RBL2: variants seen among roughly 807,000 people sequenced by gnomAD.
The protein encoded by RBL2 is retinoblastoma-like protein 2.
A neutral mutation model predicts 126.0 loss-of-function variants in RBL2; 56 were observed. That is an observed-to-expected ratio of 0.44 (90% CI 0.36 to 0.56). The LOEUF (loss-of-function observed/expected upper bound fraction) is 0.56. Among genes scored for constraint, RBL2 ranks in the 20% least tolerant of loss-of-function variants. The pLI is 0.00. For synonymous variants in RBL2, 454 were observed against 478.5 expected, an observed-to-expected ratio of 0.95 and a Z score of 0.67; for missense variants, 1,229 against 1,398.2, an observed-to-expected ratio of 0.88 and a Z score of 1.93.
chr16:53,439,202 T>G, intron 2 of RBL2, 56 bp downstream of exon 2: 2 of 1,393,458 alleles, frequency 1.4e-6, no homozygotes, highest in Non-Finnish European at 1.9e-6. Flanking sequence ...TCATAAATCA[T>G]AGTGATAGTA....
chr16:53,465,001 G>A lies in RBL2; in HGVS notation c.1699-437G>A, dbSNP rs2058259228. The A allele has an allele frequency of 2.6e-5, 4 of 152,840 alleles. No homozygotes were observed. The Admixed American group carries it at 2.6e-4, about 10-fold the overall frequency. 9.5% of individuals were successfully genotyped at this position (152,840 alleles called of 1,614,324 possible). On this transcript the variant is annotated intron_variant, in intron 12 of 21. Transcript: ENST00000262133. Reference sequence around the variant, plus strand: ...GTAGAGACGGGGTTTCACCGTGTTAGCCAGGATGGTCTCGATCTCCTGACC... The same window carrying A: ...GTAGAGACGGGGTTTCACCGTGTTAACCAGGATGGTCTCGATCTCCTGACC...
intron 14 of RBL2, 33 bp downstream of exon 14, chr16:53,467,202 G>T (rs1183077399): frequency 2.0e-6 from 3 of 1,531,810 alleles, no homozygotes; most frequent in African/African-American, 2.7e-5. Context: ...ATATTTTGGG[G>T]CTTACTATCT....
rs1555566426 is a variant in RBL2 at position 53,457,258 on chromosome 16, C to CCTTTTTTT, written c.1180-2193_1180-2192insCTTTTTTT. Among the ~76,000 whole-genome samples, 483 of 89,842 alleles carry CCTTTTTTT rather than the reference C, an allele frequency of 5.4e-3. 48 individuals are homozygous for CCTTTTTTT. The highest frequency in any genetic ancestry group is 0.013 in the African/African-American group (223 of 16,682). The allele number at this position is 89,842 out of a possible 152,430, so 58.9% of individuals were successfully genotyped here. On this transcript the variant is annotated intron_variant, in intron 8 of 21. Transcript: ENST00000262133. ...GGGTCATCAGGGTGGGTACAGATAGCTTTTTTTTTTTTTTTTTTTGAGATG... is the reference window on the plus strand; with the variant it reads ...GGGTCATCAGGGTGGGTACAGATAGCCTTTTTTTTTTTTTTTTTTTTTTTTTTGAGATG...
At chr16:53,435,731 A>C (rs2057952566) in intron 1 of RBL2, 2 of 1,288,426 alleles carry the variant, frequency 1.6e-6, no homozygotes, top group African/African-American at 1.5e-5. Flanking sequence ...TCCAGGATGC[A>C]AAGCCTAACC....
intron 7 of RBL2, chr16:53,454,134 A>G (rs1421148328): frequency 2.5e-6 from 1 of 405,288 alleles, no homozygotes; most frequent in Non-Finnish European, 4.8e-6. Context: ...AAACACTGTC[A>G]GCAAAATACT....
At chr16:53,474,062 G>C (rs2150817969) in intron 17 of RBL2, among the ~76,000 whole-genome samples, 1 of 152,188 alleles carries the variant, frequency 6.6e-6, no homozygotes. Flanking sequence ...ACCCAGGCTA[G>C]AGTGCAGTGG....
rs764750589 is a variant in RBL2 at position 53,459,491 on chromosome 16, G to C, written c.1220G>C (p.Arg407Thr). 1 of 1,613,234 alleles carries C rather than the reference G, an allele frequency of 6.2e-7. No individual in the cohort carries two copies. The highest frequency in any genetic ancestry group is 2.2e-5 in the East Asian group (1 of 44,862). Reference protein sequence around the residue: ...LRISTPLTGVRYIKENSPCVT... With the variant: ...LRISTPLTGVTYIKENSPCVT... ...ATCTCCACACCACTAACTGGTGTTA[G>C]GTACATTAAGGAGAATAGCCCTTGT... The change falls in exon 9 of 22, where the codon AGG (arginine) becomes ACG (threonine). Residue 407 changes from arginine (R) to threonine (T), a missense_variant. Arg to Thr is a moderately conservative substitution (Grantham distance 71). This residue lies in a region of RBL2 where 1,070 missense variants were observed against 1,274.3 expected (regional missense o/e 0.84). Transcript: ENST00000262133.
At chr16:53,454,498 C>T (rs2058147594) in intron 7 of RBL2, among the ~76,000 whole-genome samples, 158 bp from the exon 8 acceptor site, 1 of 152,112 alleles carries the variant, frequency 6.6e-6, no homozygotes, top group African/African-American at 2.4e-5. Context: ...CTACTGCACC[C>T]AGCTATACTA....
At chr16:53,458,524 C>T (rs573171994) in intron 8 of RBL2, among the ~76,000 whole-genome samples, 19 of 152,304 alleles carry the variant, frequency 1.2e-4, no homozygotes, top group African/African-American at 4.1e-4. Flanking sequence ...GAAGGCTGTT[C>T]TGCATCAAGT....
chr16:53,467,250 A>T (rs1237318016), intron 14 of RBL2, 81 bp downstream of exon 14: 3 of 1,131,416 alleles, frequency 2.7e-6, no homozygotes, highest in Non-Finnish European at 4.0e-6. Context: ...AAGTGAAGTT[A>T]ATAGGGTATA....
At chr16:53,449,762 C>T (rs2058096621) in intron 4 of RBL2, among the ~76,000 whole-genome samples, 1 of 152,012 alleles carries the variant, frequency 6.6e-6, no homozygotes, top group South Asian at 2.1e-4. Flanking sequence ...TAAGCCAACT[C>T]TGGAGATGAA....
intron 3 of RBL2, among the ~76,000 whole-genome samples, chr16:53,443,685 G>A (rs1004882935): frequency 6.6e-6 from 1 of 152,138 alleles, no homozygotes. Flanking sequence ...TTAGAAAAAT[G>A]TTGACAAGAA....
chr16:53,480,561 C>CT lies in RBL2; in HGVS notation c.2882-5dup, dbSNP rs764145984. On this transcript the variant is annotated splice_polypyrimidine_tract_variant and splice_region_variant and intron_variant, in intron 19 of 21. Coordinates refer to ENST00000262133, the MANE Select transcript of RBL2 (RefSeq NM_005611.4). ...GTACTGACAGCCTTTGTTCTCCTGG[C>CT]TGCAGCCAGTAGAGACTCCAGTCCA... is the stretch of plus-strand genomic sequence containing the variant. 8 of 1,608,676 alleles carry CT rather than the reference C, an allele frequency of 5.0e-6. No individual in the cohort carries two copies. Among genetic ancestry groups the CT allele is most frequent in the Non-Finnish European group, 6.8e-6 (8 of 1,177,588 alleles).
intron 4 of RBL2, among the ~76,000 whole-genome samples, chr16:53,450,153 T>C (rs565094710): frequency 6.6e-5 from 10 of 152,306 alleles, no homozygotes; most frequent in African/African-American, 1.9e-4. Context: ...GCTGTATCAA[T>C]GCACAGTTTA....
chr16:53,482,935 A>T (rs1961014402), intron 21 of RBL2, among the ~76,000 whole-genome samples: 1 of 152,130 alleles, frequency 6.6e-6, no homozygotes, highest in Admixed American at 6.5e-5. Context: ...GGGAGACACG[A>T]CATCCAAATG....
intron 17 of RBL2, 64 bp downstream of exon 17, chr16:53,470,986 C>A: frequency 6.8e-7 from 1 of 1,477,654 alleles, no homozygotes; most frequent in Non-Finnish European, 9.2e-7. Flanking sequence ...ATTTTTTAAC[C>A]ACTGTCTTGA....
Position 53,439,139 on chromosome 16 carries a change from G to T in RBL2, c.364G>T (p.Glu122Ter). ...VSLTRILKCS[E>*]QSLIEFFNKM... ...TTTAACTAGAATCCTGAAATGTTCA[G>T]AGCAGAGGTAACTATGTTAGAGTTT... Residue 122 changes from glutamate to a stop codon, truncating the protein, a stop_gained, in exon 2 of 22, where the codon GAG (glutamate) becomes TAG (stop). Coordinates refer to ENST00000262133, the MANE Select transcript of RBL2 (RefSeq NM_005611.4). LOFTEE classifies it high-confidence loss of function. 1 of 1,593,200 alleles carries T rather than the reference G, an allele frequency of 6.3e-7. No homozygotes were observed. Among genetic ancestry groups the T allele is most frequent in the Non-Finnish European group, 8.5e-7 (1 of 1,171,510 alleles).
chr16:53,434,644 G>C lies in RBL2; in HGVS notation c.88G>C (p.Glu30Gln). Residue 30 changes from glutamate to glutamine, a missense_variant, in exon 1 of 22, where the codon GAG (glutamate) becomes CAG (glutamine). Around this residue, in one of 2 missense-constraint regions of RBL2, gnomAD observed 159 missense variants for 123.9 expected, o/e 1.28. Coordinates refer to ENST00000262133, the MANE Select transcript of RBL2 (RefSeq NM_005611.4). ...GGATGAGGAGGAGGAGGACGACGGC[G>C]AGGCGGAAGACGCCGCGCCGCCTGC... ...ASDEEEEDDG[E>Q]AEDAAPPAES... is the part of the protein sequence containing the mutation. 1 of 1,564,294 alleles carries C rather than the reference G, an allele frequency of 6.4e-7. No individual in the cohort carries two copies. The highest frequency in any genetic ancestry group is 8.6e-7 in the Non-Finnish European group (1 of 1,164,900).
In RBL2 at chr16:53,454,827, G is replaced by A. The variant is rs759281403; in HGVS notation, c.1164G>A (p.Gln388=). 1.2e-5 allele frequency: 19 copies of A among 1,609,048 alleles called. No homozygotes were observed. Among genetic ancestry groups the A allele is most frequent in the Middle Eastern group, 1.7e-4 (1 of 6,060 alleles). ...GGGTGCAGATGAAAAACATCTTACAGCAGCATTTTGACAAGGTGAGTTTAG... is the reference window on the plus strand; with the variant it reads ...GGGTGCAGATGAAAAACATCTTACAACAGCATTTTGACAAGGTGAGTTTAG... The part of the protein sequence containing the change: ...AERVQMKNIL[Q]QHFDKSKALR... The change falls in exon 8 of 22, where the codon CAG becomes CAA. Residue 388 remains glutamine (Q), a synonymous_variant. Transcript: ENST00000262133.
Sources: gnomAD v4.1 joint callset for allele counts (sites outside exome capture counted in the v4.1 genomes callset) on GRCh38, gnomAD v4.1.1 for gene constraint, gnomAD v4.1.1 regional missense constraint, MANE v1.5 for transcripts, NCBI Gene and HGNC (gene_info 2026-07-23, HGNC 2026-07-21) for gene names.